CBLL1: variants seen among roughly 807,000 people sequenced by gnomAD.
CBLL1 encodes the protein E3 ubiquitin-protein ligase Hakai.
A neutral mutation model predicts 44.9 loss-of-function variants in CBLL1; 4 were observed. That is an observed-to-expected ratio of 0.09 (90% CI 0.04 to 0.20). The LOEUF is 0.20. CBLL1 is among the 10% of genes least tolerant of loss of function. CBLL1 has a pLI of 1.00. For synonymous variants in CBLL1, 235 were observed against 202.2 expected (o/e 1.16, Z -1.38); for missense variants, 569 against 636.7 (o/e 0.89, Z 1.14).
chr7:107,750,839 A>G (rs1009163008), intron 2 of CBLL1, among the ~76,000 whole-genome samples: 1 of 146,410 alleles, frequency 6.8e-6, no homozygotes. Flanking sequence ...TCACACTATA[A>G]TGGTAGAGTT....
Position 107,760,432 on chromosome 7 carries a change from T to C in CBLL1, c.*1254T>C, listed in dbSNP as rs1241192827. 4.6e-5 allele frequency: 7 copies of C among 152,254 alleles called. No homozygotes were observed. The highest frequency in any genetic ancestry group is 1.9e-4 in the East Asian group (1 of 5,344). The allele number at this position is 152,254 out of a possible 1,614,324, so 9.4% of individuals were successfully genotyped here. A position where few individuals can be genotyped will look rare whatever the true frequency, so the allele number is the denominator to read the frequency against. ...GTGAAGACTACCAGATAATTTTGTA[T>C]TGGAGAAGAGGAAATAACAGCTAAA... is the stretch of plus-strand genomic sequence containing the variant. On this transcript the variant is annotated 3_prime_UTR_variant, in exon 6 of 6. Coordinates refer to ENST00000440859, the MANE Select transcript of CBLL1 (RefSeq NM_024814.4).
chr7:107,761,348 ATT>A lies in CBLL1; in HGVS notation c.*2171_*2172del, dbSNP rs1230783634. On this transcript the variant is annotated 3_prime_UTR_variant, in exon 6 of 6. Transcript: ENST00000440859. The stretch of plus-strand genomic sequence containing the variant: ...GTTTTTAAAAAATGATTTATTTTCA[ATT>A]AGGTTTAAGAAATCTATGTTATGCA... 6.6e-6 allele frequency: 1 copy of A among 152,186 alleles called. No individual in the cohort carries two copies. Among genetic ancestry groups the A allele is most frequent in the Non-Finnish European group, 1.5e-5 (1 of 67,888 alleles). The allele number at this position is 152,186 out of a possible 1,614,324, so 9.4% of individuals were successfully genotyped here.
rs1792872150 is a variant in CBLL1, at chr7:107,744,146, T to C, written c.-18T>C. 1.0e-5 allele frequency: 16 copies of C among 1,552,438 alleles called. No individual in the cohort carries two copies. Among genetic ancestry groups the C allele is most frequent in the Admixed American group, 2.0e-5 (1 of 50,950 alleles). On this transcript the variant is annotated 5_prime_UTR_variant, in exon 1 of 6. Coordinates refer to ENST00000440859, the MANE Select transcript of CBLL1 (RefSeq NM_024814.4). Reference sequence around the variant, plus strand: ...GCGCGGTTGACTTCCGCTCCCACTGTGCTCTGCGAGCCGAATCATGGATCA... The same window carrying C: ...GCGCGGTTGACTTCCGCTCCCACTGCGCTCTGCGAGCCGAATCATGGATCA...
Position 107,758,092 on chromosome 7 carries a change from A to C in CBLL1, c.441-51A>C. 1.3e-6 allele frequency: 2 copies of C among 1,486,080 alleles called. No individual in the cohort carries two copies. Among genetic ancestry groups the C allele is most frequent in the Non-Finnish European group, 9.0e-7 (1 of 1,107,502 alleles). 92.1% of individuals were successfully genotyped at this position (1,486,080 alleles called of 1,614,324 possible). On this transcript the variant is annotated intron_variant, in intron 5 of 5. Coordinates refer to ENST00000440859, the MANE Select transcript of CBLL1 (RefSeq NM_024814.4). This position sits in a 1 kb window ranked among gnomAD's most constrained non-coding sequence, Gnocchi z 4.2. ...CAAGCATATTTTTGAAAATTACATA[A>C]TTTTTTGTATTCTCTTTTAGTAAAT...
In CBLL1 at chr7:107,760,901, CT is replaced by C. The variant is rs765848109; in HGVS notation, c.*1729del. 5 of 141,842 alleles carry C rather than the reference CT, an allele frequency of 3.5e-5. No individual in the cohort carries two copies. Among genetic ancestry groups the C allele is most frequent in the Non-Finnish European group, 3.2e-5 (2 of 63,190 alleles). 8.8% of individuals were successfully genotyped at this position (141,842 alleles called of 1,614,324 possible). A position where few individuals can be genotyped will look rare whatever the true frequency, so the allele number is the denominator to read the frequency against. On this transcript the variant is annotated 3_prime_UTR_variant, in exon 6 of 6. Coordinates refer to ENST00000440859, the MANE Select transcript of CBLL1 (RefSeq NM_024814.4). ...TGACTGGCCAAAAATAACTAATAAA[CT>C]TTTTTGTTTTAAGTCAGGCAAGTGA...
In CBLL1 at chr7:107,759,379, C is replaced by A. The variant is rs1462111470; in HGVS notation, c.*201C>A. On this transcript the variant is annotated 3_prime_UTR_variant, in exon 6 of 6. Transcript: ENST00000440859. ...CATACTGTAGTACAGATAAGTGGCT[C>A]AGTTGAGCACAGCTATATTTTAACA... is the stretch of plus-strand genomic sequence containing the variant. The A allele has an allele frequency of 1.5e-5, 7 of 461,618 alleles. No individual in the cohort carries two copies. Among genetic ancestry groups the A allele is most frequent in the Non-Finnish European group, 2.3e-5 (6 of 263,108 alleles). The allele number at this position is 461,618 out of a possible 1,614,324, so 28.6% of individuals were successfully genotyped here.
At chr7:107,751,145 C>T (rs1562861391) in intron 2 of CBLL1, among the ~76,000 whole-genome samples, 2 of 152,006 alleles carry the variant, frequency 1.3e-5, no homozygotes, top group South Asian at 2.1e-4. Context: ...TGGCAGGGTG[C>T]GGGGAGTGGT....
chr7:107,752,263 C>CTT (rs1562862072), intron 2 of CBLL1, among the ~76,000 whole-genome samples: 1 of 151,584 alleles, frequency 6.6e-6, no homozygotes, highest in Non-Finnish European at 1.5e-5. Context: ...ATCACACCAG[C>CTT]TTTTCTAAGG....
At chr7:107,748,765 C>A in intron 1 of CBLL1, 115 bp from the exon 2 acceptor site, 1 of 829,206 alleles carries the variant, frequency 1.2e-6, no homozygotes, top group Non-Finnish European at 1.8e-6. Context: ...TATTGAAAAT[C>A]AGAACCCAGA....
chr7:107,753,638 G>GTT (rs1337295314), intron 3 of CBLL1, 127 bp downstream of exon 3: 2 of 581,060 alleles, frequency 3.4e-6, no homozygotes, highest in African/African-American at 3.9e-5. Context: ...ATGATTTTCA[G>GTT]CACATACAAA....
At chr7:107,752,653 T>C in intron 2 of CBLL1, 3 of 1,119,856 alleles carry the variant, frequency 2.7e-6, no homozygotes, top group Middle Eastern at 2.4e-4. Context: ...CATCAGACTG[T>C]TGATTGGTTT....
intron 1 of CBLL1, among the ~76,000 whole-genome samples, chr7:107,748,051 C>T (rs1562859043): frequency 1.3e-5 from 2 of 152,106 alleles, no homozygotes; most frequent in Non-Finnish European, 2.9e-5. Context: ...AAAGGTAACT[C>T]TTAAGCTTTA....
intron 1 of CBLL1, among the ~76,000 whole-genome samples, chr7:107,746,522 A>G (rs750558382): frequency 1.4e-4 from 21 of 152,232 alleles, no homozygotes; most frequent in Non-Finnish European, 2.8e-4. Context: ...TCTGGTTTTC[A>G]TGAAATTCGT....
At position 107,749,022 on chromosome 7, in the gene CBLL1, T is replaced by G; in HGVS notation, c.156T>G (p.Pro52=). The change falls in exon 2 of 6, where the codon CCT becomes CCG. Residue 52 remains proline, a synonymous_variant. Transcript: ENST00000440859. ...CTCAAAGAACTATAAACAGGATGCC[T>G]GCAAAGGCTCCACCTGGTGATGAAG... ...PRTQRTINRM[P]AKAPPGDEEG... is the part of the protein sequence containing the mutation. 6.2e-7 allele frequency: 1 copy of G among 1,614,072 alleles called. No homozygotes were observed. Among genetic ancestry groups the G allele is most frequent in the Non-Finnish European group, 8.5e-7 (1 of 1,179,972 alleles).
chr7:107,748,540 T>C (rs1793117147), intron 1 of CBLL1, among the ~76,000 whole-genome samples: 1 of 152,212 alleles, frequency 6.6e-6, no homozygotes, highest in African/African-American at 2.4e-5. Context: ...AAAATTCTCT[T>C]GTAGTTCAAG....
rs1486464342 is a variant in CBLL1, at chr7:107,758,922, C to T, written c.1220C>T (p.Pro407Leu). ...ATGAATCATCCTCCTCCAGGACCTC[C>T]CCCACCTCAACATGGTGGTCCACCT... ...PYMNHPPPGP[P>L]PPQHGGPPVT... The change falls in exon 6 of 6, where the codon CCC becomes CTC. Residue 407 changes from proline (P) to leucine (L), a missense_variant. Coordinates refer to ENST00000440859, the MANE Select transcript of CBLL1 (RefSeq NM_024814.4). This position sits in a 1 kb window ranked among gnomAD's most constrained non-coding sequence, Gnocchi z 4.2. 6.2e-7 allele frequency: 1 copy of T among 1,613,876 alleles called. No homozygotes were observed.
chr7:107,758,381 C>A lies in CBLL1; in HGVS notation c.679C>A (p.His227Asn). The change falls in exon 6 of 6, where the codon CAC becomes AAC. Residue 227 changes from histidine to asparagine, a missense_variant. By Grantham distance (68) the His-to-Asn change is moderately conservative. Transcript: ENST00000440859. This position sits in a 1 kb window ranked among gnomAD's most constrained non-coding sequence, Gnocchi z 4.2. ...GCGTTTTATAATGCCACCAGACAAG[C>A]ACCATATGAGCCATATTCCGCCAAA... ...PERFIMPPDK[H>N]HMSHIPPKQH... is the part of the protein sequence containing the mutation. 1 of 1,614,148 alleles carries A rather than the reference C, an allele frequency of 6.2e-7. No homozygotes were observed. Among genetic ancestry groups the A allele is most frequent in the Non-Finnish European group, 8.5e-7 (1 of 1,180,020 alleles).
At chr7:107,752,572 C>G in intron 2 of CBLL1, 2 of 1,289,512 alleles carry the variant, frequency 1.6e-6, no homozygotes, top group Non-Finnish European at 2.0e-6. Flanking sequence ...TCGTGAGAAG[C>G]CTGGCTCCTT....
Position 107,755,422 on chromosome 7 carries a change from C to A in CBLL1, c.371C>A (p.Pro124Gln). 2 of 1,564,940 alleles carry A rather than the reference C, an allele frequency of 1.3e-6. No individual in the cohort carries two copies. The highest frequency in any genetic ancestry group is 1.2e-5 in the South Asian group (1 of 83,688). Residue 124 changes from proline to glutamine, a missense_variant, in exon 5 of 6, where the codon CCA becomes CAA. Physicochemically the swap from Pro to Gln is moderately conservative, Grantham distance 76. Transcript: ENST00000440859. ...GTAATATGTCTTTGTTTACAGATTC[C>A]ATGCAAGCATGTTTTTTGCTATGAC... ...LPIKIYGRMIPCKHVFCYDCA... is the reference protein window; with the variant it reads ...LPIKIYGRMIQCKHVFCYDCA...
Sources: allele counts gnomAD v4.1 joint callset (sites outside exome capture counted in the v4.1 genomes callset), GRCh38; gene constraint gnomAD v4.1.1; non-coding constraint Gnocchi (gnomAD v3.1); transcripts MANE v1.5; gene names NCBI Gene and HGNC (gene_info 2026-07-23, HGNC 2026-07-21).